The following GRID2 variants were observed in gnomAD, a reference collection of about 807,000 sequenced individuals.
GRID2 encodes glutamate ionotropic receptor delta type subunit 2, also known as glutamate receptor ionotropic, delta-2.
In GRID2, 33 loss-of-function variants were observed where a neutral mutation model predicts 114.8. The ratio of observed to expected loss-of-function variants is 0.29; its 90% CI spans 0.22 to 0.38. GRID2 has a LOEUF of 0.38. Ranked by LOEUF, GRID2 falls within the 10% of genes least tolerant of loss-of-function variation. The probability of loss-of-function intolerance (pLI) is 1.00; values close to 1 mark genes in which losing one functional copy is unlikely to be tolerated. For missense variants in GRID2, 1,184 were observed against 1,257.7 expected (o/e 0.94, Z 0.89); for synonymous variants, 505 against 449.9 (o/e 1.12, Z -1.55).
intron 1 of GRID2, among the ~76,000 whole-genome samples, chr4:92,447,612 G>A (rs1269095902): frequency 6.6e-6 from 1 of 152,140 alleles, no homozygotes; most frequent in Non-Finnish European, 1.5e-5. Flanking sequence ...TCATAAACTC[G>A]ATAGCTTATA....
intron 2 of GRID2, among the ~76,000 whole-genome samples, chr4:92,873,649 G>A (rs1388198143): frequency 6.6e-6 from 1 of 152,130 alleles, no homozygotes; most frequent in Non-Finnish European, 1.5e-5. Flanking sequence ...GAGAGGTAGA[G>A]GGAGGGAAAT....
At chr4:92,556,707 G>C (rs1241975766) in intron 1 of GRID2, among the ~76,000 whole-genome samples, 1 of 152,124 alleles carries the variant, frequency 6.6e-6, no homozygotes, top group Non-Finnish European at 1.5e-5. Context: ...CTTTGTTCAA[G>C]TTTTTGACAT....
intron 2 of GRID2, among the ~76,000 whole-genome samples, chr4:92,847,388 T>A (rs1269477690): frequency 2.0e-5 from 3 of 152,068 alleles, no homozygotes; most frequent in Non-Finnish European, 2.9e-5. Context: ...CTTGGGCTTC[T>A]TTGCCATAAG....
chr4:92,645,798 T>C (rs966171038), intron 2 of GRID2, among the ~76,000 whole-genome samples: 1 of 151,780 alleles, frequency 6.6e-6, no homozygotes, highest in Non-Finnish European at 1.5e-5. Context: ...GTATTGATAG[T>C]ATTTTTTCAT....
intron 4 of GRID2, among the ~76,000 whole-genome samples, chr4:93,111,531 C>T (rs1242412701): frequency 6.6e-6 from 1 of 152,084 alleles, no homozygotes; most frequent in Non-Finnish European, 1.5e-5. Flanking sequence ...AGCTCTGAAA[C>T]TTAGTAAAAA....
intron 2 of GRID2, among the ~76,000 whole-genome samples, chr4:93,005,040 C>A (rs1721368978): frequency 6.6e-6 from 1 of 151,972 alleles, no homozygotes; most frequent in East Asian, 1.9e-4. Context: ...TTATGTGATT[C>A]CATCTGTTCC....
In GRID2 at chr4:92,937,187, T is replaced by C. The variant is rs1355350610; in HGVS notation, c.245-147808T>C. Among the ~76,000 whole-genome samples, 2 of 146,782 alleles carry C rather than the reference T, an allele frequency of 1.4e-5. 1 individual carries two copies. The highest frequency in any genetic ancestry group is 4.3e-4 in the East Asian group (2 of 4,608). Reference sequence around the variant, plus strand: ...ATAGTGTCCTTAGATACACAAAATATTTTAACTTTGCTAGAGTCCAATTTA... The same window carrying C: ...ATAGTGTCCTTAGATACACAAAATACTTTAACTTTGCTAGAGTCCAATTTA... On this transcript the variant is annotated intron_variant, in intron 2 of 15. Coordinates refer to ENST00000282020, the MANE Select transcript of GRID2 (RefSeq NM_001510.4).
chr4:93,351,885 A>G (rs931854643), intron 8 of GRID2, among the ~76,000 whole-genome samples: 3 of 152,046 alleles, frequency 2.0e-5, no homozygotes, highest in African/African-American at 4.8e-5. Flanking sequence ...CAAACATGAT[A>G]TAAGCTCCTT....
intron 2 of GRID2, among the ~76,000 whole-genome samples, chr4:92,821,700 C>A (rs2149387867): frequency 6.6e-6 from 1 of 152,182 alleles, no homozygotes; most frequent in Admixed American, 6.5e-5. Context: ...CTCAATAAGG[C>A]ACCATAAAAG....
In GRID2 at chr4:92,392,430, T is replaced by C. The variant is rs187285783; in HGVS notation, c.88+87686T>C. On this transcript the variant is annotated intron_variant, in intron 1 of 15. Transcript: ENST00000282020. ...GGTGTGTGCCTGTAATCTCAGCTAC[T>C]TGGGAGGCTGAGGCAGGAGAATGGC... Among the ~76,000 whole-genome samples the C allele has an allele frequency of 2.5e-3, 374 of 152,114 alleles. 1 individual carries two copies. Among genetic ancestry groups the C allele is most frequent in the Non-Finnish European group, 4.4e-3 (301 of 67,988 alleles).
At chr4:93,761,024 T>G (rs1733162469) in intron 14 of GRID2, among the ~76,000 whole-genome samples, 1 of 152,158 alleles carries the variant, frequency 6.6e-6, no homozygotes, top group Admixed American at 6.6e-5. Flanking sequence ...TTTTACAATA[T>G]AATCAGAAAA....
intron 2 of GRID2, among the ~76,000 whole-genome samples, chr4:93,042,295 C>CTATATA (rs1553971502): frequency 2.1e-5 from 2 of 95,178 alleles, no homozygotes; most frequent in East Asian, 6.3e-4. Flanking sequence ...CTCTCTCTCT[C>CTATATA]TCTCTATATA....
intron 2 of GRID2, among the ~76,000 whole-genome samples, chr4:92,903,768 C>T (rs543409146): frequency 4.6e-5 from 7 of 151,996 alleles, no homozygotes; most frequent in African/African-American, 1.7e-4. Context: ...CGAATTATTA[C>T]ACAGAAACAA....
At position 93,459,325 on chromosome 4, in the gene GRID2, T is replaced by C. The variant is rs191752105; in HGVS notation, c.1858+3351T>C. Reference sequence around the variant, plus strand: ...TATAAAATAGGACATCTAAGCCTAATTTTTTTTGAAATGTAATAGAGGAGA... The same window carrying C: ...TATAAAATAGGACATCTAAGCCTAACTTTTTTTGAAATGTAATAGAGGAGA... On this transcript the variant is annotated intron_variant, in intron 11 of 15. Transcript: ENST00000282020. 1.5e-4 allele frequency among the ~76,000 whole-genome samples: 23 copies of C among 149,672 alleles called. 1 individual carries two copies. The highest frequency in any genetic ancestry group is 1.2e-3 in the Admixed American group (18 of 15,170).
chr4:93,626,351 A>G lies in GRID2; in HGVS notation c.2276A>G (p.Tyr759Cys), dbSNP rs1742729932. 1.9e-6 allele frequency: 3 copies of G among 1,604,788 alleles called. No individual in the cohort carries two copies. The highest frequency in any genetic ancestry group is 2.6e-6 in the Non-Finnish European group (3 of 1,171,748). The change falls in exon 14 of 16, where the codon TAC (tyrosine) becomes TGC (cysteine). Residue 759 changes from tyrosine to cysteine, a missense_variant. Tyr to Cys is a radical substitution (Grantham distance 194). Transcript: ENST00000282020. The stretch of plus-strand genomic sequence containing the variant: ...ATCAATGACCCAGATTGTTCCTTTT[A>G]CACCATTGGAAATACTGTTGCTGAT... ...VAINDPDCSF[Y>C]TIGNTVADRG...
At chr4:93,222,484 A>G (rs1011330284) in intron 6 of GRID2, among the ~76,000 whole-genome samples, 7 of 151,210 alleles carry the variant, frequency 4.6e-5, no homozygotes, top group South Asian at 4.2e-4. Context: ...TTTTTATTAT[A>G]CTTTCAGTTC....
chr4:93,143,619 G>A lies in GRID2; in HGVS notation c.735+32666G>A, dbSNP rs1735949209. ...CACTATTACATTCCACTTTAGAATA[G>A]TATATCTAACTTCTTAATTTATAAA... On this transcript the variant is annotated intron_variant, in intron 4 of 15. Transcript: ENST00000282020. Among the ~76,000 whole-genome samples the A allele has an allele frequency of 2.6e-5, 4 of 152,084 alleles. No individual in the cohort carries two copies. The South Asian group carries it at 6.2e-4, about 24-fold the overall frequency.
chr4:93,350,239 T>G (rs1335271872), intron 8 of GRID2, among the ~76,000 whole-genome samples: 1 of 152,142 alleles, frequency 6.6e-6, no homozygotes, highest in Non-Finnish European at 1.5e-5. Flanking sequence ...GCGTTATCCA[T>G]GCAACCTTCG....
In GRID2 at chr4:92,354,378, A is replaced by T. The variant is rs370407299; in HGVS notation, c.88+49634A>T. Among the ~76,000 whole-genome samples, 8 of 151,994 alleles carry T rather than the reference A, an allele frequency of 5.3e-5. No individual in the cohort carries two copies. In the East Asian group the frequency reaches 1.2e-3, roughly 22 times the overall value. Reference sequence around the variant, plus strand: ...TGGTTTTTTTATGTTTCTGTGGGGTACATGAGCTTGTAGCTGCCTACTCTG... The same window carrying T: ...TGGTTTTTTTATGTTTCTGTGGGGTTCATGAGCTTGTAGCTGCCTACTCTG... On this transcript the variant is annotated intron_variant, in intron 1 of 15. Coordinates refer to ENST00000282020, the MANE Select transcript of GRID2 (RefSeq NM_001510.4).
Sources: allele counts gnomAD v4.1 joint callset (sites outside exome capture counted in the v4.1 genomes callset), GRCh38; gene constraint gnomAD v4.1.1; transcripts MANE v1.5; gene names NCBI Gene and HGNC (gene_info 2026-07-23, HGNC 2026-07-21).